Variants in TMEFF2 observed in about 807,000 individuals in gnomAD.
TMEFF2 encodes transmembrane protein with EGF like and two follistatin like domains 2.
Under a neutral mutation model 53.8 loss-of-function variants are expected in TMEFF2, and 28 were observed. The ratio of observed to expected loss-of-function variants is 0.52; its 90% CI spans 0.39 to 0.71. The LOEUF (loss-of-function observed/expected upper bound fraction) is 0.71, where lower values mean the gene tolerates loss of function less well. Ranked by LOEUF, TMEFF2 falls within the 30% of genes least tolerant of loss-of-function variation. The pLI, the probability that TMEFF2 is intolerant of heterozygous loss-of-function variation, is 0.00. For synonymous variants in TMEFF2, 162 were observed against 166.3 expected, an observed-to-expected ratio of 0.97 and a Z score of 0.20; for missense variants, 353 against 455.2, an observed-to-expected ratio of 0.78 and a Z score of 2.04.
intron 4 of TMEFF2, among the ~76,000 whole-genome samples, chr2:192,173,541 A>G (rs1690966287): frequency 6.6e-6 from 1 of 151,852 alleles, no homozygotes; most frequent in Non-Finnish European, 1.5e-5. Context: ...AATCTCCTAC[A>G]TTGTGACTCC....
chr2:191,987,939 CATG>C (rs1686017460), intron 7 of TMEFF2, among the ~76,000 whole-genome samples: 2 of 152,102 alleles, frequency 1.3e-5, no homozygotes, highest in African/African-American at 4.8e-5. Context: ...TGATTATAAT[CATG>C]ATGATAATCA....
intron 4 of TMEFF2, among the ~76,000 whole-genome samples, chr2:192,129,151 A>G (rs998418529): frequency 6.6e-6 from 1 of 152,190 alleles, no homozygotes; most frequent in African/African-American, 2.4e-5. Flanking sequence ...CCAAGGCTGA[A>G]AAAATGACTA....
intron 4 of TMEFF2, among the ~76,000 whole-genome samples, chr2:192,121,058 T>C (rs1387308813): frequency 6.6e-6 from 1 of 151,986 alleles, no homozygotes; most frequent in African/African-American, 2.4e-5. Context: ...TCTAGGGGCC[T>C]ACTATGTACC....
chr2:191,963,388 A>G (rs1692326215), intron 7 of TMEFF2, among the ~76,000 whole-genome samples: 1 of 152,202 alleles, frequency 6.6e-6, no homozygotes, highest in Non-Finnish European at 1.5e-5. Context: ...GCTGAAAATG[A>G]CACTAAGTAA....
In TMEFF2 at chr2:192,184,335, A is replaced by T. The variant is rs114786185; in HGVS notation, c.412+19T>A. 4.3e-4 allele frequency: 701 copies of T among 1,611,996 alleles called. 2 individuals are homozygous for T. The African/African-American group carries it at 8.3e-3, about 19-fold the overall frequency. ...TTTGGAATCCATGCAGAAGGTTTCA[A>T]AGAAGATCACACACATACCTGTGGC... On this transcript the variant is annotated intron_variant, in intron 3 of 9. Transcript: ENST00000272771.
At chr2:192,143,418 C>T (rs1285496631) in intron 4 of TMEFF2, among the ~76,000 whole-genome samples, 4 of 151,968 alleles carry the variant, frequency 2.6e-5, no homozygotes, top group East Asian at 1.9e-4. Context: ...ATAAAAAGTG[C>T]AAAAACTAAC....
chr2:191,990,488 T>C (rs922560168), intron 7 of TMEFF2, among the ~76,000 whole-genome samples: 1 of 148,824 alleles, frequency 6.7e-6, no homozygotes, highest in African/African-American at 2.5e-5. Context: ...ATGGAAAACA[T>C]TGTGCCTTGA....
chr2:191,965,680 T>C lies in TMEFF2; in HGVS notation c.746-9302A>G, dbSNP rs184507761. ...CTTCTGCATCTTCTTACATTCATCA[T>C]ATGAAATTTTTCTCTCCCCTCTGGG... On this transcript the variant is annotated intron_variant, in intron 7 of 9. Coordinates refer to ENST00000272771, the MANE Select transcript of TMEFF2 (RefSeq NM_016192.4). Among the ~76,000 whole-genome samples the C allele has an allele frequency of 4.0e-3, 606 of 152,148 alleles. 6 individuals are homozygous for C. The highest frequency in any genetic ancestry group is 0.014 in the African/African-American group (569 of 41,418).
At chr2:192,076,240 G>A (rs1055057744) in intron 4 of TMEFF2, among the ~76,000 whole-genome samples, 1 of 151,908 alleles carries the variant, frequency 6.6e-6, no homozygotes, top group Non-Finnish European at 1.5e-5. Flanking sequence ...CTATTGCTCT[G>A]TTATATTTGA....
chr2:192,059,528 G>T (rs986180821), intron 4 of TMEFF2, among the ~76,000 whole-genome samples: 9 of 152,124 alleles, frequency 5.9e-5, no homozygotes, highest in Admixed American at 5.2e-4. Context: ...AGCAAGATTA[G>T]CAACTTCCAG....
intron 4 of TMEFF2, among the ~76,000 whole-genome samples, chr2:192,084,697 G>A (rs570848440): frequency 4.3e-4 from 66 of 152,034 alleles, no homozygotes; most frequent in African/African-American, 1.4e-3. Flanking sequence ...ATTTTAATTC[G>A]TTAAACAAAA....
chr2:192,132,601 C>G (rs934928184), intron 4 of TMEFF2, among the ~76,000 whole-genome samples: 11 of 152,144 alleles, frequency 7.2e-5, no homozygotes, highest in Non-Finnish European at 1.5e-4. Context: ...CACTGTGAGA[C>G]AAACCCCAGC....
chr2:192,006,251 T>C (rs141350296), intron 5 of TMEFF2, among the ~76,000 whole-genome samples: 2 of 152,128 alleles, frequency 1.3e-5, no homozygotes, highest in East Asian at 1.9e-4. Flanking sequence ...ATGCAAAACA[T>C]AGAAGTTGGC....
At chr2:192,095,606 T>C (rs1453116845) in intron 4 of TMEFF2, among the ~76,000 whole-genome samples, 1 of 152,008 alleles carries the variant, frequency 6.6e-6, no homozygotes, top group East Asian at 1.9e-4. Flanking sequence ...ACAACACAAA[T>C]CCTCATAATA....
intron 4 of TMEFF2, among the ~76,000 whole-genome samples, chr2:192,096,856 A>T (rs932411778): frequency 6.6e-6 from 1 of 151,516 alleles, no homozygotes; most frequent in Non-Finnish European, 1.5e-5. Flanking sequence ...TTGTATTTTT[A>T]GTAGAGACGG....
At chr2:191,966,748 C>G (rs1692483350) in intron 7 of TMEFF2, among the ~76,000 whole-genome samples, 1 of 152,224 alleles carries the variant, frequency 6.6e-6, no homozygotes, top group Non-Finnish European at 1.5e-5. Context: ...TGCATTTATT[C>G]TCATACTTAA....
intron 5 of TMEFF2, chr2:192,032,783 G>A (rs148343029): frequency 2.6e-5 from 4 of 152,090 alleles, no homozygotes; most frequent in Non-Finnish European, 2.9e-5. Context: ...GTTTCTCCCC[G>A]TTTCCTCATC....
At chr2:192,050,316 T>C (rs1378115010) in intron 5 of TMEFF2, among the ~76,000 whole-genome samples, 1 of 152,170 alleles carries the variant, frequency 6.6e-6, no homozygotes, top group Non-Finnish European at 1.5e-5. Context: ...GCTAGTACAG[T>C]TGAGGTATGG....
intron 3 of TMEFF2, among the ~76,000 whole-genome samples, chr2:192,181,315 T>G (rs1483847657): frequency 2.6e-5 from 4 of 151,828 alleles, no homozygotes; most frequent in Non-Finnish European, 5.9e-5. Flanking sequence ...AATAACAGAC[T>G]GTGGTATTAC....
Sources: gnomAD v4.1 joint callset for allele counts (sites outside exome capture counted in the v4.1 genomes callset) on GRCh38, gnomAD v4.1.1 for gene constraint, MANE v1.5 for transcripts, NCBI Gene and HGNC (gene_info 2026-07-23, HGNC 2026-07-21) for gene names.